The following CRISPLD2 variants were observed in gnomAD, a reference collection of about 807,000 sequenced individuals.
CRISPLD2 encodes the protein cysteine-rich secretory protein LCCL domain-containing 2.
A neutral mutation model predicts 71.1 loss-of-function variants in CRISPLD2; 47 were observed. The ratio of observed to expected loss-of-function variants is 0.66; its 90% CI spans 0.52 to 0.84. The LOEUF (loss-of-function observed/expected upper bound fraction) is 0.84. Ranked by LOEUF, CRISPLD2 falls within the 40% of genes least tolerant of loss-of-function variation. The pLI, the probability that CRISPLD2 is intolerant of heterozygous loss-of-function variation, is 0.00. For missense variants in CRISPLD2, 830 were observed against 651.1 expected (o/e 1.27, Z -2.99); for synonymous variants, 317 against 250.1 (o/e 1.27, Z -2.52).
intron 2 of CRISPLD2, chr16:84,840,093 T>A (rs1375441173): frequency 6.6e-6 from 1 of 152,168 alleles, no homozygotes; most frequent in African/African-American, 2.4e-5. Context: ...CATCATCATG[T>A]CTTTGGAATG....
intron 12 of CRISPLD2, among the ~76,000 whole-genome samples, chr16:84,879,297 T>A (rs2071547502): frequency 6.6e-6 from 1 of 152,038 alleles, no homozygotes; most frequent in African/African-American, 2.4e-5. Flanking sequence ...AAATGTTAAT[T>A]TCTGATCTGC....
At chr16:84,890,358 C>G (rs533492658) in intron 14 of CRISPLD2, among the ~76,000 whole-genome samples, 23 of 135,620 alleles carry the variant, frequency 1.7e-4, no homozygotes, top group African/African-American at 6.0e-4. Context: ...GACTCCATCT[C>G]AAAAAAAAAA....
intron 8 of CRISPLD2, among the ~76,000 whole-genome samples, chr16:84,870,454 G>C (rs2071457965): frequency 6.6e-6 from 1 of 151,886 alleles, no homozygotes; most frequent in Non-Finnish European, 1.5e-5. Context: ...CGCGTAGCTG[G>C]AACTACAGGC....
At chr16:84,904,731 T>A (rs2071786533) in intron 14 of CRISPLD2, among the ~76,000 whole-genome samples, 1 of 152,266 alleles carries the variant, frequency 6.6e-6, no homozygotes, top group Admixed American at 6.5e-5. Context: ...TCTCAACAAA[T>A]GATGCAAGGG....
At position 84,877,460 on chromosome 16, in the gene CRISPLD2, G is replaced by A. The variant is rs755912994; in HGVS notation, c.1179G>A (p.Thr393=). The change falls in exon 12 of 15, where the codon ACG becomes ACA. Residue 393 remains threonine, a synonymous_variant. Coordinates refer to ENST00000262424, the MANE Select transcript of CRISPLD2 (RefSeq NM_031476.4). ...CAGTGCAGGATTTGGACTGCTACAC[G>A]ACCGTTGCTCAGCTGTGCCCGTTTG... The part of the protein sequence containing the change: ...KVKVQDLDCY[T]TVAQLCPFEK... The A allele has an allele frequency of 6.2e-6, 10 of 1,613,766 alleles. No individual in the cohort carries two copies. The highest frequency in any genetic ancestry group is 4.0e-5 in the African/African-American group (3 of 74,920).
intron 4 of CRISPLD2, among the ~76,000 whole-genome samples, chr16:84,849,905 T>C (rs1917035689): frequency 6.6e-6 from 1 of 150,910 alleles, no homozygotes; most frequent in South Asian, 2.1e-4. Context: ...TTTTTTTTTT[T>C]TTTTAGAGAT....
Position 84,872,493 on chromosome 16 carries a change from T to G in CRISPLD2, c.966T>G (p.Thr322=). 6.2e-7 allele frequency: 1 copy of G among 1,613,788 alleles called. No homozygotes were observed. Residue 322 remains threonine (T), a synonymous_variant, in exon 9 of 15, where the codon ACT becomes ACG. Coordinates refer to ENST00000262424, the MANE Select transcript of CRISPLD2 (RefSeq NM_031476.4). The stretch of plus-strand genomic sequence containing the variant: ...ACCACAAGGCGAAGATCTTTGGAAC[T>G]CTGTTCTATGAAAGCGTGAGTGTGG... The part of the protein sequence containing the change: ...CLNHKAKIFG[T]LFYESSSSIC...
intron 14 of CRISPLD2, among the ~76,000 whole-genome samples, chr16:84,901,545 C>T (rs1050664693): frequency 6.8e-6 from 1 of 147,998 alleles, no homozygotes; most frequent in African/African-American, 2.5e-5. Context: ...GATCTCGGCT[C>T]ATTGCAACCT....
chr16:84,881,200 T>A lies in CRISPLD2; in HGVS notation c.1305+616T>A, dbSNP rs993696942. On this transcript the variant is annotated intron_variant, in intron 13 of 14. Coordinates refer to ENST00000262424, the MANE Select transcript of CRISPLD2 (RefSeq NM_031476.4). ...CATTTTTCCGGCTATTTAGTCATCT[T>A]CCCAGCTCTCCGGATGCATTTATAG... 3.3e-5 allele frequency among the ~76,000 whole-genome samples: 5 copies of A among 152,208 alleles called. No individual in the cohort carries two copies. In the East Asian group the frequency reaches 9.6e-4, roughly 29 times the overall value.
chr16:84,885,468 G>A (rs529206970), intron 13 of CRISPLD2, among the ~76,000 whole-genome samples: 1 of 152,336 alleles, frequency 6.6e-6, no homozygotes, highest in Non-Finnish European at 1.5e-5. Flanking sequence ...TCCCCGGTTT[G>A]CCTAGGGCTG....
chr16:84,855,384 A>C (rs772829340), intron 6 of CRISPLD2, among the ~76,000 whole-genome samples: 1 of 152,226 alleles, frequency 6.6e-6, no homozygotes. Flanking sequence ...AGCCAGTCTG[A>C]GTCTGGAGGT....
chr16:84,848,314 C>T (rs1255273198), intron 3 of CRISPLD2, among the ~76,000 whole-genome samples: 1 of 152,222 alleles, frequency 6.6e-6, no homozygotes, highest in African/African-American at 2.4e-5. Flanking sequence ...GTTACAAGAC[C>T]TCTAACTGCC....
At chr16:84,905,292 G>C (rs954118063) in intron 14 of CRISPLD2, among the ~76,000 whole-genome samples, 1 of 152,146 alleles carries the variant, frequency 6.6e-6, no homozygotes. Context: ...TCTAACACTG[G>C]ATTGTGGAGA....
intron 5 of CRISPLD2, among the ~76,000 whole-genome samples, chr16:84,852,183 T>C (rs1235481783): frequency 6.6e-6 from 1 of 152,214 alleles, no homozygotes; most frequent in Non-Finnish European, 1.5e-5. Context: ...CGTTTAACCT[T>C]AATTAGTTTC....
chr16:84,873,155 G>A (rs765984600), intron 10 of CRISPLD2, 33 bp downstream of exon 10: 9 of 1,596,170 alleles, frequency 5.6e-6, no homozygotes, highest in South Asian at 4.5e-5. Flanking sequence ...TCTGTGAAAC[G>A]GTTTTCCTGT....
chr16:84,823,357 A>ATCTCTTG, intron 1 of CRISPLD2, among the ~76,000 whole-genome samples: 1 of 152,254 alleles, frequency 6.6e-6, no homozygotes, highest in South Asian at 2.1e-4. Flanking sequence ...ATGTTTTCAT[A>ATCTCTTG]TCTCTTGAGT....
intron 6 of CRISPLD2, among the ~76,000 whole-genome samples, chr16:84,861,069 G>C (rs1230000300): frequency 6.6e-6 from 1 of 152,132 alleles, no homozygotes; most frequent in East Asian, 1.9e-4. Flanking sequence ...CCTCTCAGGA[G>C]CGCTGAATCA....
At chr16:84,853,754 G>C (rs1375895441) in intron 5 of CRISPLD2, among the ~76,000 whole-genome samples, 2 of 152,230 alleles carry the variant, frequency 1.3e-5, no homozygotes, top group Admixed American at 1.3e-4. Context: ...CCTTCCCCGT[G>C]AGTCAGGTGC....
intron 1 of CRISPLD2, chr16:84,828,937 T>C (rs1192456534): frequency 1.3e-5 from 2 of 152,110 alleles, no homozygotes; most frequent in Non-Finnish European, 2.9e-5. Context: ...TAGCTGGACG[T>C]GGTGGTGCGT....
Sources: gnomAD v4.1 joint callset for allele counts (sites outside exome capture counted in the v4.1 genomes callset) on GRCh38, gnomAD v4.1.1 for gene constraint, MANE v1.5 for transcripts, NCBI Gene and HGNC (gene_info 2026-07-23, HGNC 2026-07-21) for gene names.